Variants in DYRK2 observed in about 807,000 individuals in gnomAD.
DYRK2 encodes the protein dual specificity tyrosine phosphorylation regulated kinase 2.
In DYRK2, 12 loss-of-function variants were observed where a neutral mutation model predicts 41.6. The ratio of observed to expected loss-of-function variants is 0.29; its 90% confidence interval spans 0.18 to 0.47. The LOEUF (loss-of-function observed/expected upper bound fraction) is 0.47, where lower values mean the gene tolerates loss of function less well. DYRK2 is among the 20% of genes least tolerant of loss of function. The probability of loss-of-function intolerance (pLI) is 1.00; values close to 1 mark genes in which losing one functional copy is unlikely to be tolerated. For missense variants in DYRK2, 678 were observed against 798.4 expected, an observed-to-expected ratio of 0.85 and a Z score of 1.82; for synonymous variants, 322 against 315.7, an observed-to-expected ratio of 1.02 and a Z score of -0.21.
intron 2 of DYRK2, among the ~76,000 whole-genome samples, chr12:67,650,433 A>C (rs578098409): frequency 6.6e-6 from 1 of 152,106 alleles, no homozygotes; most frequent in African/African-American, 2.4e-5. Context: ...AGCATCGCCA[A>C]TTGTCCCCCG....
chr12:67,664,225 C>G lies in DYRK2; in HGVS notation c.*5512C>G, dbSNP rs1453957572. On this transcript the variant is annotated 3_prime_UTR_variant, in exon 3 of 3. Coordinates refer to ENST00000344096, the MANE Select transcript of DYRK2 (RefSeq NM_006482.3). ...CTTTGACTTACTATTTTGCTATGGTCATATCCTTAATATCTGCGGTACATT... is the reference window on the plus strand; with the variant it reads ...CTTTGACTTACTATTTTGCTATGGTGATATCCTTAATATCTGCGGTACATT... 1 of 152,066 alleles carries G rather than the reference C, an allele frequency of 6.6e-6. No homozygotes were observed. Among genetic ancestry groups the G allele is most frequent in the Non-Finnish European group, 1.5e-5 (1 of 68,004 alleles). The allele number at this position is 152,066 out of a possible 1,614,324, so 9.4% of individuals were successfully genotyped here. A position where few individuals can be genotyped will look rare whatever the true frequency, so the allele number is the denominator to read the frequency against.
rs1178914134 is a variant in DYRK2 at position 67,658,281 on chromosome 12, C to T, written c.1374C>T (p.Ser458=). ...ASKRAKNFVS[S]KGYPRYCTVT... ...AACGAGCCAAAAATTTTGTGAGCTCCAAGGGTTATCCCCGTTACTGCACTG... is the reference window on the plus strand; with the variant it reads ...AACGAGCCAAAAATTTTGTGAGCTCTAAGGGTTATCCCCGTTACTGCACTG... The change falls in exon 3 of 3, where the codon TCC becomes TCT. Residue 458 remains serine (S), a synonymous_variant. Transcript: ENST00000344096. This position sits in a 1 kb window ranked among gnomAD's most constrained non-coding sequence, Gnocchi z 4.3. The T allele has an allele frequency of 6.2e-7, 1 of 1,614,208 alleles. No homozygotes were observed. The highest frequency in any genetic ancestry group is 1.3e-5 in the African/African-American group (1 of 75,062).
At chr12:67,651,967 C>T (rs189812342) in intron 2 of DYRK2, among the ~76,000 whole-genome samples, 2 of 152,188 alleles carry the variant, frequency 1.3e-5, no homozygotes, top group Non-Finnish European at 2.9e-5. Context: ...GATCCATATT[C>T]CCATATGTCT....
chr12:67,664,252 CATATAT>C lies in DYRK2; in HGVS notation c.*5546_*5551del, dbSNP rs1292139408. The C allele has an allele frequency of 6.6e-6, 1 of 151,950 alleles. No homozygotes were observed. The highest frequency in any genetic ancestry group is 1.5e-5 in the Non-Finnish European group (1 of 67,970). 9.4% of individuals were successfully genotyped at this position (151,950 alleles called of 1,614,324 possible). A position where few individuals can be genotyped will look rare whatever the true frequency, so the allele number is the denominator to read the frequency against. On this transcript the variant is annotated 3_prime_UTR_variant, in exon 3 of 3. Transcript: ENST00000344096. ...TATCCTTAATATCTGCGGTACATTT[CATATAT>C]ATATATGGGGTGGGAGCATAATTGC...
rs561832344 is a variant in DYRK2 at position 67,662,375 on chromosome 12, A to G, written c.*3662A>G. ...GCAGTGGCTTGGGTTTTTATCGAGCAACAACTTAGACACGTGACTGTAATA... is the reference window on the plus strand; with the variant it reads ...GCAGTGGCTTGGGTTTTTATCGAGCGACAACTTAGACACGTGACTGTAATA... On this transcript the variant is annotated 3_prime_UTR_variant, in exon 3 of 3. Coordinates refer to ENST00000344096, the MANE Select transcript of DYRK2 (RefSeq NM_006482.3). 21 of 167,038 alleles carry G rather than the reference A, an allele frequency of 1.3e-4. No homozygotes were observed. Among genetic ancestry groups the G allele is most frequent in the Non-Finnish European group, 2.4e-4 (16 of 68,082 alleles). 10.3% of individuals were successfully genotyped at this position (167,038 alleles called of 1,614,324 possible). A position where few individuals can be genotyped will look rare whatever the true frequency, so the allele number is the denominator to read the frequency against.
At position 67,663,880 on chromosome 12, in the gene DYRK2, C is replaced by T. The variant is rs1018299828; in HGVS notation, c.*5167C>T. 1 of 152,116 alleles carries T rather than the reference C, an allele frequency of 6.6e-6. No individual in the cohort carries two copies. The highest frequency in any genetic ancestry group is 1.5e-5 in the Non-Finnish European group (1 of 67,982). The allele number at this position is 152,116 out of a possible 1,614,324, so 9.4% of individuals were successfully genotyped here. On this transcript the variant is annotated 3_prime_UTR_variant, in exon 3 of 3. Transcript: ENST00000344096. ...ACACAAATAAATATTCTTGGAACTT[C>T]GAAGTTGTCTTCAAACTAGCTCTAG...
chr12:67,649,758 C>A (rs372712630), intron 1 of DYRK2, 39 bp from the exon 2 acceptor site: 6 of 1,310,380 alleles, frequency 4.6e-6, no homozygotes, highest in Non-Finnish European at 5.9e-6. Flanking sequence ...CTTTCTCCCC[C>A]CTGACCCTCT....
intron 2 of DYRK2, among the ~76,000 whole-genome samples, chr12:67,651,095 CCTCT>C (rs963754918): frequency 6.6e-6 from 1 of 152,116 alleles, no homozygotes; most frequent in Non-Finnish European, 1.5e-5. Context: ...CTTCCCCCTC[CCTCT>C]GTCTGTCTCT....
rs537543305 is a variant in DYRK2 at position 67,657,462 on chromosome 12, T to G, written c.555T>G (p.Gly185=). 3.2e-5 allele frequency: 51 copies of G among 1,613,976 alleles called. No homozygotes were observed. The highest frequency in any genetic ancestry group is 4.0e-5 in the Non-Finnish European group (47 of 1,180,028). The change falls in exon 3 of 3, where the codon GGT becomes GGG. Residue 185 remains glycine, a synonymous_variant. Transcript: ENST00000344096. The surrounding 1 kb of genome is among the most constrained non-coding windows in gnomAD (Gnocchi z 4.8). ...GCTACCCTGAAATATATTTCTTGGG[T>G]CTAAATGCTAAGAAGCGCCAGGGCA... The part of the protein sequence containing the change: ...IFSYPEIYFL[G]LNAKKRQGMT...
rs115618971 is a variant in DYRK2, at chr12:67,652,055, C to T, written c.198+2110C>T. ...AAGAACTTCTAGAATGAATGGGGGGCGGGAGGGCATTAAGGAGATAAAAAT... is the reference window on the plus strand; with the variant it reads ...AAGAACTTCTAGAATGAATGGGGGGTGGGAGGGCATTAAGGAGATAAAAAT... On this transcript the variant is annotated intron_variant, in intron 2 of 2. Coordinates refer to ENST00000344096, the MANE Select transcript of DYRK2 (RefSeq NM_006482.3). Among the ~76,000 whole-genome samples the T allele has an allele frequency of 1.7e-3, 254 of 151,690 alleles. 1 individual carries two copies. Among genetic ancestry groups the T allele is most frequent in the African/African-American group, 5.8e-3 (238 of 41,296 alleles).
intron 2 of DYRK2, chr12:67,651,502 C>A: frequency 2.2e-6 from 1 of 444,706 alleles, no homozygotes; most frequent in Non-Finnish European, 4.5e-6. Flanking sequence ...GGAGGGAGAG[C>A]CTGTGGTGCA....
At position 67,649,887 on chromosome 12, in the gene DYRK2, C is replaced by T. The variant is rs1872261079; in HGVS notation, c.140C>T (p.Pro47Leu). The T allele has an allele frequency of 7.2e-7, 1 of 1,381,270 alleles. No individual in the cohort carries two copies. Among genetic ancestry groups the T allele is most frequent in the East Asian group, 2.8e-5 (1 of 35,568 alleles). The allele number at this position is 1,381,270 out of a possible 1,614,324, so 85.6% of individuals were successfully genotyped here. The change falls in exon 2 of 3, where the codon CCC becomes CTC. Residue 47 changes from proline to leucine, a missense_variant. Coordinates refer to ENST00000344096, the MANE Select transcript of DYRK2 (RefSeq NM_006482.3). ...CGGAGCGGAGTGGGGACTGGCCCGC[C>T]CTCCCCCATCGCCCTGCCGCCTCTC... is the stretch of plus-strand genomic sequence containing the variant. ...ATRSGVGTGP[P>L]SPIALPPLRA...
In DYRK2 at chr12:67,649,101, C is replaced by A; in HGVS notation, c.-33C>A. ...GCAGCAGGACCGGCGGCGGCGACGG[C>A]AGCCCTGAAATGCATTTTCCTCTCC... On this transcript the variant is annotated 5_prime_UTR_variant, in exon 1 of 3. Coordinates refer to ENST00000344096, the MANE Select transcript of DYRK2 (RefSeq NM_006482.3). 6.7e-7 allele frequency: 1 copy of A among 1,484,608 alleles called. No individual in the cohort carries two copies. Among genetic ancestry groups the A allele is most frequent in the Non-Finnish European group, 9.0e-7 (1 of 1,113,212 alleles). 92.0% of individuals were successfully genotyped at this position (1,484,608 alleles called of 1,614,324 possible).
intron 1 of DYRK2, 124 bp downstream of exon 1, chr12:67,649,306 C>T: frequency 1.3e-6 from 1 of 776,976 alleles, no homozygotes. Flanking sequence ...GCGGGGGAGC[C>T]CCCGGGCGGA....
At chr12:67,649,982 GC>G in intron 2 of DYRK2, 37 bp downstream of exon 2, 1 of 1,315,532 alleles carries the variant, frequency 7.6e-7, no homozygotes, top group Non-Finnish European at 9.6e-7. Context: ...GGCGGTGGGG[GC>G]GGGAGGGGCC....
chr12:67,648,899 C>G lies in DYRK2; in HGVS notation c.-235C>G. On this transcript the variant is annotated 5_prime_UTR_variant, in exon 1 of 3. Transcript: ENST00000344096. ...CGGGCCGGAGGGTGCTGCAGCCGCCCGAGGAAGAGGAGGACGGCGGCGAGG... is the reference window on the plus strand; with the variant it reads ...CGGGCCGGAGGGTGCTGCAGCCGCCGGAGGAAGAGGAGGACGGCGGCGAGG... 5.8e-6 allele frequency: 2 copies of G among 343,126 alleles called. No homozygotes were observed. Among genetic ancestry groups the G allele is most frequent in the Non-Finnish European group, 1.0e-5 (2 of 192,996 alleles). The allele number at this position is 343,126 out of a possible 1,614,324, so 21.3% of individuals were successfully genotyped here. A position where few individuals can be genotyped will look rare whatever the true frequency, so the allele number is the denominator to read the frequency against.
At chr12:67,654,344 T>A (rs1417584912) in intron 2 of DYRK2, among the ~76,000 whole-genome samples, 3 of 152,194 alleles carry the variant, frequency 2.0e-5, no homozygotes, top group Non-Finnish European at 4.4e-5. Flanking sequence ...TTCTTACTGG[T>A]AAGTTCTTGC....
chr12:67,656,634 C>G (rs1449241270), intron 2 of DYRK2, among the ~76,000 whole-genome samples: 1 of 152,042 alleles, frequency 6.6e-6, no homozygotes, highest in Non-Finnish European at 1.5e-5. Flanking sequence ...GGATAGAGCT[C>G]TAGGTATTAG....
Position 67,658,720 on chromosome 12 carries a change from G to A in DYRK2, c.*7G>A, listed in dbSNP as rs557417303. The A allele has an allele frequency of 1.8e-5, 29 of 1,589,542 alleles. No individual in the cohort carries two copies. The highest frequency in any genetic ancestry group is 1.7e-4 in the Admixed American group (10 of 57,582). On this transcript the variant is annotated 3_prime_UTR_variant, in exon 3 of 3. Coordinates refer to ENST00000344096, the MANE Select transcript of DYRK2 (RefSeq NM_006482.3). This position sits in a 1 kb window ranked among gnomAD's most constrained non-coding sequence, Gnocchi z 4.3. Reference sequence around the variant, plus strand: ...GCCAAAACTTGTTAGCTGAGCTCACGTCCCCTGATGCTGGTAACCTGAAAG... The same window carrying A: ...GCCAAAACTTGTTAGCTGAGCTCACATCCCCTGATGCTGGTAACCTGAAAG...
Sources: allele counts gnomAD v4.1 joint callset (sites outside exome capture counted in the v4.1 genomes callset), GRCh38; gene constraint gnomAD v4.1.1; non-coding constraint Gnocchi (gnomAD v3.1); transcripts MANE v1.5; gene names NCBI Gene and HGNC (gene_info 2026-07-23, HGNC 2026-07-21).